Variants in NUP98 observed in about 807,000 individuals in gnomAD.
The protein encoded by NUP98 is nucleoporin 98 and 96 precursor.
A neutral mutation model predicts 191.9 loss-of-function variants in NUP98; 26 were observed. The ratio of observed to expected loss-of-function variants is 0.14; its 90% CI spans 0.10 to 0.19. The LOEUF (loss-of-function observed/expected upper bound fraction) is 0.19, where lower values mean the gene tolerates loss of function less well. Among genes scored for constraint, NUP98 ranks in the 10% least tolerant of loss-of-function variants. The probability of loss-of-function intolerance (pLI) is 1.00; values close to 1 mark genes in which losing one functional copy is unlikely to be tolerated. For synonymous variants in NUP98, 808 were observed against 778.4 expected (o/e 1.04, Z -0.63); for missense variants, 1,941 against 2,178.8 (o/e 0.89, Z 2.17).
intron 9 of NUP98, 102 bp downstream of exon 9, chr11:3,762,800 C>A (rs1271352980): frequency 2.5e-6 from 3 of 1,223,532 alleles, no homozygotes; most frequent in African/African-American, 3.0e-5. Flanking sequence ...TGCAATAATA[C>A]ACCCAATAAA....
intron 10 of NUP98, among the ~76,000 whole-genome samples, chr11:3,755,981 A>G (rs1435498043): frequency 1.3e-5 from 2 of 152,156 alleles, no homozygotes; most frequent in Non-Finnish European, 2.9e-5. Context: ...TAAATACATG[A>G]AATAAAATCC....
At chr11:3,768,375 T>C (rs1231348048) in intron 8 of NUP98, among the ~76,000 whole-genome samples, 1 of 148,000 alleles carries the variant, frequency 6.8e-6, no homozygotes, top group Admixed American at 6.9e-5. Flanking sequence ...GAGCTGAGAC[T>C]GGGCCACTGC....
Position 3,698,928 on chromosome 11 carries a change from A to G in NUP98, c.4009+154T>C, listed in dbSNP as rs535447802. On this transcript the variant is annotated intron_variant, in intron 25 of 32. Transcript: ENST00000324932. The stretch of plus-strand genomic sequence containing the variant: ...AAAGTTAAATTTTATGTTATATTAC[A>G]TATTCCACGGGAACCAGCAATCTTT... 64 of 797,390 alleles carry G rather than the reference A, an allele frequency of 8.0e-5. No homozygotes were observed. The African/African-American group carries it at 1.1e-3, about 13-fold the overall frequency. 49.4% of individuals were successfully genotyped at this position (797,390 alleles called of 1,614,324 possible).
rs962380354 is a variant in NUP98, at chr11:3,676,388, A to C, written c.5186-12T>G. 6.2e-7 allele frequency: 1 copy of C among 1,613,828 alleles called. No individual in the cohort carries two copies. The highest frequency in any genetic ancestry group is 1.7e-5 in the Admixed American group (1 of 60,012). ...ACGTTTGGCCATGTCTAGAGAGAAA[A>C]ACTAGAGTCAAGCACTGAGCATGGG... On this transcript the variant is annotated splice_polypyrimidine_tract_variant and intron_variant, in intron 32 of 32. Transcript: ENST00000324932.
Position 3,679,400 on chromosome 11 carries a change from G to A in NUP98, c.5073+154C>T, listed in dbSNP as rs372317749. 1.9e-4 allele frequency: 165 copies of A among 883,814 alleles called. 1 individual carries two copies. The African/African-American group carries it at 2.1e-3, about 11-fold the overall frequency. 54.7% of individuals were successfully genotyped at this position (883,814 alleles called of 1,614,324 possible). A position where few individuals can be genotyped will look rare whatever the true frequency, so the allele number is the denominator to read the frequency against. On this transcript the variant is annotated intron_variant, in intron 31 of 32. Coordinates refer to ENST00000324932, the MANE Select transcript of NUP98 (RefSeq NM_016320.5). The stretch of plus-strand genomic sequence containing the variant: ...AAGTTTCGATATAGCTGTCAGAAAC[G>A]GTTATATCAAATGAGCCTCAGCAAG...
intron 1 of NUP98, among the ~76,000 whole-genome samples, chr11:3,788,845 G>A (rs531186296): frequency 2.0e-5 from 3 of 151,976 alleles, no homozygotes; most frequent in Non-Finnish European, 4.4e-5. Context: ...TATTCGGGAG[G>A]CTGAGGCAGG....
At chr11:3,735,351 A>T (rs765150044) in intron 12 of NUP98, 27 bp from the exon 13 acceptor site, 73 of 1,080,642 alleles carry the variant, frequency 6.8e-5, no homozygotes, top group Admixed American at 6.1e-4. Context: ...AAGAAAACAA[A>T]ATATATATAT....
At chr11:3,786,614 T>TA (rs1287646184) in intron 1 of NUP98, among the ~76,000 whole-genome samples, 2 of 152,188 alleles carry the variant, frequency 1.3e-5, no homozygotes, top group South Asian at 2.1e-4. Flanking sequence ...AGTAGCCTTA[T>TA]AATACACCCA....
chr11:3,715,570 G>A (rs765560914), intron 18 of NUP98, among the ~76,000 whole-genome samples: 7 of 152,042 alleles, frequency 4.6e-5, no homozygotes, highest in South Asian at 2.1e-4. Flanking sequence ...GAGAAATGTC[G>A]ATTCAAGTCC....
intron 8 of NUP98, among the ~76,000 whole-genome samples, chr11:3,767,650 C>G (rs556507981): frequency 1.3e-5 from 2 of 152,146 alleles, no homozygotes; most frequent in Admixed American, 1.3e-4. Context: ...GTAAAAGTAT[C>G]TCTAATTTTA....
chr11:3,795,922 G>C (rs1590002598), intron 1 of NUP98, among the ~76,000 whole-genome samples: 1 of 152,296 alleles, frequency 6.6e-6, no homozygotes, highest in South Asian at 2.1e-4. Flanking sequence ...CAATCTTACT[G>C]ATGTGTACAG....
intron 12 of NUP98, among the ~76,000 whole-genome samples, chr11:3,739,346 C>T (rs561059631): frequency 1.3e-3 from 192 of 152,226 alleles, no homozygotes; most frequent in African/African-American, 4.3e-3. Context: ...GCCTCCCAGA[C>T]TAGGCAATCC....
At chr11:3,790,733 A>C (rs1415282195) in intron 1 of NUP98, among the ~76,000 whole-genome samples, 1 of 152,202 alleles carries the variant, frequency 6.6e-6, no homozygotes, top group Non-Finnish European at 1.5e-5. Flanking sequence ...AAAAATTATT[A>C]GTTGTATTAT....
chr11:3,701,027 C>A (rs1366017891), intron 23 of NUP98, among the ~76,000 whole-genome samples, 188 bp from the exon 24 acceptor site: 1 of 152,132 alleles, frequency 6.6e-6, no homozygotes, highest in Non-Finnish European at 1.5e-5. Context: ...GAAAAAAAAT[C>A]ATCTGATCAG....
intron 16 of NUP98, 150 bp from the exon 17 acceptor site, chr11:3,720,975 A>AGTGTGC: frequency 3.1e-6 from 1 of 323,536 alleles, no homozygotes; most frequent in Non-Finnish European, 5.6e-6. Context: ...GGGGTGTGTG[A>AGTGTGC]GTGTGTGTGT....
chr11:3,680,648 C>T (rs1402897311), intron 30 of NUP98, among the ~76,000 whole-genome samples: 1 of 151,894 alleles, frequency 6.6e-6, no homozygotes, highest in Non-Finnish European at 1.5e-5. Context: ...CTCAAGTGAT[C>T]CTCCCTCCAA....
At chr11:3,709,416 T>TA (rs1466779869) in intron 20 of NUP98, among the ~76,000 whole-genome samples, 1 of 151,984 alleles carries the variant, frequency 6.6e-6, no homozygotes, top group Non-Finnish European at 1.5e-5. Context: ...GTTTAAAACT[T>TA]ATTTAGGCAG....
Position 3,707,754 on chromosome 11 carries a change from A to AAAAAAAAAAAAAAG in NUP98, c.2743-1128_2743-1127insCTTTTTTTTTTTTT, listed in dbSNP as rs71041376. ...ACTCTGTCTCAAAAAAAAAAAAAAA[A>AAAAAAAAAAAAAAG]TCCTGAAGGAGGAAAAAGCCCTGGT... On this transcript the variant is annotated intron_variant, in intron 20 of 32. Transcript: ENST00000324932. Among the ~76,000 whole-genome samples, 10 of 146,816 alleles carry AAAAAAAAAAAAAAG rather than the reference A, an allele frequency of 6.8e-5. No individual in the cohort carries two copies. In the Admixed American group the frequency reaches 6.8e-4, roughly 10 times the overall value.
At chr11:3,776,588 A>C (rs1164656888) in intron 4 of NUP98, among the ~76,000 whole-genome samples, 3 of 148,850 alleles carry the variant, frequency 2.0e-5, no homozygotes, top group African/African-American at 7.4e-5. Flanking sequence ...GGTTGACGCC[A>C]TTTCTCCTGC....
Sources: gnomAD v4.1 joint callset for allele counts (sites outside exome capture counted in the v4.1 genomes callset) on GRCh38, gnomAD v4.1.1 for gene constraint, MANE v1.5 for transcripts, NCBI Gene and HGNC (gene_info 2026-07-23, HGNC 2026-07-21) for gene names.